Variants in OPCML observed in about 807,000 individuals in gnomAD.
OPCML encodes the protein opioid-binding protein/cell adhesion molecule.
Under a neutral mutation model 37.8 loss-of-function variants are expected in OPCML, and 13 were observed. The observed-to-expected ratio is 0.34, with a 90% CI of 0.22 to 0.55. The LOEUF (loss-of-function observed/expected upper bound fraction) is 0.55, where lower values mean the gene tolerates loss of function less well. OPCML is among the 20% of genes least tolerant of loss of function. The pLI is 0.91. For missense variants in OPCML, 341 were observed against 435.6 expected (o/e 0.78, Z 1.93); for synonymous variants, 176 against 168.8 (o/e 1.04, Z -0.33).
At chr11:133,130,754 A>G (rs966440498) in intron 1 of OPCML, among the ~76,000 whole-genome samples, 3 of 152,144 alleles carry the variant, frequency 2.0e-5, no homozygotes, top group Non-Finnish European at 4.4e-5. Flanking sequence ...GGATCAATGT[A>G]ACAGCACAGG....
At chr11:132,937,551 AGT>A (rs1945421870) in intron 2 of OPCML, among the ~76,000 whole-genome samples, 1 of 110,146 alleles carries the variant, frequency 9.1e-6, no homozygotes, top group African/African-American at 3.5e-5. Context: ...GTGTGTGTGG[AGT>A]GTGTGTGTGT....
intron 1 of OPCML, among the ~76,000 whole-genome samples, chr11:133,382,614 C>T (rs1944954606): frequency 1.3e-5 from 2 of 152,176 alleles, no homozygotes; most frequent in African/African-American, 4.8e-5. Context: ...AAACCCAGTG[C>T]CGGGCTGACT....
intron 2 of OPCML, among the ~76,000 whole-genome samples, chr11:132,660,223 T>C (rs906649367): frequency 1.4e-4 from 21 of 152,198 alleles, no homozygotes; most frequent in African/African-American, 5.1e-4. Flanking sequence ...CTATTCCTAC[T>C]TTTGCTTTTA....
intron 2 of OPCML, among the ~76,000 whole-genome samples, chr11:132,900,475 G>C (rs79624671): frequency 0.069 from 10,522 of 152,178 alleles, 462 homozygotes; most frequent in Middle Eastern, 0.14. Context: ...CAGGCCCACT[G>C]ATACGCATTT....
intron 1 of OPCML, among the ~76,000 whole-genome samples, chr11:133,415,719 C>G (rs1945745672): frequency 6.6e-6 from 1 of 152,152 alleles, no homozygotes; most frequent in South Asian, 2.1e-4. Flanking sequence ...GGAGATTATC[C>G]TAGATCATTT....
At chr11:133,089,301 T>C (rs1011544450) in intron 1 of OPCML, among the ~76,000 whole-genome samples, 1 of 152,220 alleles carries the variant, frequency 6.6e-6, no homozygotes, top group African/African-American at 2.4e-5. Flanking sequence ...GAGTAATGAA[T>C]ACACTTTAAC....
intron 1 of OPCML, among the ~76,000 whole-genome samples, chr11:133,119,458 AC>A (rs2137111872): frequency 6.6e-6 from 1 of 152,064 alleles, no homozygotes; most frequent in South Asian, 2.1e-4. Context: ...GCAACCATCT[AC>A]CCACTCCTGG....
intron 1 of OPCML, among the ~76,000 whole-genome samples, chr11:132,999,224 C>T (rs1196623354): frequency 1.3e-5 from 2 of 152,114 alleles, no homozygotes; most frequent in African/African-American, 4.8e-5. Flanking sequence ...GTCTCTAAAC[C>T]TACTATCATT....
chr11:133,110,715 A>C (rs1949237139), intron 1 of OPCML, among the ~76,000 whole-genome samples: 1 of 152,124 alleles, frequency 6.6e-6, no homozygotes, highest in Admixed American at 6.5e-5. Context: ...CAGCTCTGAT[A>C]ATCTATGGGA....
intron 1 of OPCML, chr11:133,005,384 A>G: frequency 3.0e-6 from 3 of 985,382 alleles, no homozygotes; most frequent in Non-Finnish European, 3.6e-6. Context: ...TTTCTCAGAT[A>G]TCTGTCTACA....
Position 132,429,680 on chromosome 11 carries a change from A to T in OPCML, c.916+6406T>A, listed in dbSNP as rs561733967. On this transcript the variant is annotated intron_variant, in intron 7 of 7. Transcript: ENST00000524381. ...ATTATCAGGCTGTTGTTCAGAGGCC[A>T]TCAATCTTCAGTGTGCATAGGATTC... Among the ~76,000 whole-genome samples the T allele has an allele frequency of 2.6e-5, 4 of 152,346 alleles. No individual in the cohort carries two copies. In the East Asian group the frequency reaches 5.8e-4, roughly 22 times the overall value.
At chr11:133,276,621 T>C (rs901748811) in intron 1 of OPCML, among the ~76,000 whole-genome samples, 4 of 152,144 alleles carry the variant, frequency 2.6e-5, no homozygotes, top group African/African-American at 4.8e-5. Flanking sequence ...AAATGAAAAA[T>C]GTGAAATTAT....
chr11:132,821,734 C>T (rs117847278), intron 2 of OPCML, among the ~76,000 whole-genome samples: 2,489 of 152,234 alleles, frequency 0.016, 27 homozygotes, highest in Middle Eastern at 0.031. Flanking sequence ...TTCAAGGTAT[C>T]TTCCCCCCTC....
chr11:132,609,179 G>T (rs1006289064), intron 3 of OPCML, among the ~76,000 whole-genome samples: 1 of 152,020 alleles, frequency 6.6e-6, no homozygotes, highest in Non-Finnish European at 1.5e-5. Flanking sequence ...GCATGCAAGG[G>T]CAGGGGGTCT....
chr11:132,869,329 C>T (rs1385261379), intron 2 of OPCML, among the ~76,000 whole-genome samples: 1 of 152,150 alleles, frequency 6.6e-6, no homozygotes, highest in Admixed American at 6.5e-5. Context: ...AGAGTTGACA[C>T]CCCGCCTCCT....
At chr11:133,439,213 G>T in intron 1 of OPCML, 1 of 882,306 alleles carries the variant, frequency 1.1e-6, no homozygotes, top group Non-Finnish European at 1.4e-6. Context: ...TTAACCTGCA[G>T]GTCCTATGCT....
intron 1 of OPCML, among the ~76,000 whole-genome samples, chr11:133,313,005 T>C (rs1403701857): frequency 6.6e-6 from 1 of 152,226 alleles, no homozygotes; most frequent in Non-Finnish European, 1.5e-5. Context: ...AATGAGTGAT[T>C]ATACACATAG....
chr11:133,358,900 T>A (rs1229570307), intron 1 of OPCML, among the ~76,000 whole-genome samples: 1 of 151,954 alleles, frequency 6.6e-6, no homozygotes, highest in Non-Finnish European at 1.5e-5. Context: ...AGCAGGTGTC[T>A]GATGGGTTTA....
chr11:132,624,015 C>T (rs1939588437), intron 3 of OPCML, among the ~76,000 whole-genome samples: 1 of 152,168 alleles, frequency 6.6e-6, no homozygotes, highest in South Asian at 2.1e-4. Flanking sequence ...GTCTGTGAAG[C>T]TGAGAGTTGT....
Sources: gnomAD v4.1 joint callset for allele counts (sites outside exome capture counted in the v4.1 genomes callset) on GRCh38, gnomAD v4.1.1 for gene constraint, MANE v1.5 for transcripts, NCBI Gene and HGNC (gene_info 2026-07-23, HGNC 2026-07-21) for gene names.